SCMH1: variants seen among roughly 807,000 people sequenced by gnomAD.
SCMH1 encodes polycomb protein SCMH1.
Under a neutral mutation model 70.8 loss-of-function variants are expected in SCMH1, and 37 were observed. That is an observed-to-expected ratio of 0.52 (90% CI 0.40 to 0.69). The LOEUF (loss-of-function observed/expected upper bound fraction) is 0.69. Ranked by LOEUF, SCMH1 falls within the 30% of genes least tolerant of loss-of-function variation. The pLI is 0.00. For missense variants in SCMH1, 607 were observed against 827.3 expected (o/e 0.73, Z 3.27); for synonymous variants, 292 against 307.4 (o/e 0.95, Z 0.52).
At chr1:41,057,492 T>C (rs1057071528) in intron 10 of SCMH1, among the ~76,000 whole-genome samples, 7 of 152,090 alleles carry the variant, frequency 4.6e-5, no homozygotes, top group African/African-American at 1.7e-4. Flanking sequence ...TCAAGTGATC[T>C]GCCCACCTTG....
At chr1:41,202,538 T>C (rs1476796646) in intron 1 of SCMH1, among the ~76,000 whole-genome samples, 4 of 152,322 alleles carry the variant, frequency 2.6e-5, no homozygotes, top group East Asian at 1.9e-4. Flanking sequence ...TACTATTTAA[T>C]AGTGTAGAGA....
chr1:41,050,518 G>A (rs181261215), intron 10 of SCMH1, among the ~76,000 whole-genome samples: 2 of 152,176 alleles, frequency 1.3e-5, no homozygotes, highest in Admixed American at 1.3e-4. Context: ...CAACATGGAC[G>A]GAAGAAATGG....
At chr1:41,074,944 G>A (rs1457879722) in intron 9 of SCMH1, among the ~76,000 whole-genome samples, 3 of 152,172 alleles carry the variant, frequency 2.0e-5, no homozygotes, top group African/African-American at 7.2e-5. Flanking sequence ...CTCACTGCAA[G>A]CTCCACCTCC....
chr1:41,087,379 G>C (rs1422694248), intron 8 of SCMH1, among the ~76,000 whole-genome samples: 1 of 151,824 alleles, frequency 6.6e-6, no homozygotes, highest in Non-Finnish European at 1.5e-5. Context: ...CATAAGCAAA[G>C]TACAAATTGG....
chr1:41,171,980 C>A (rs1646809467), intron 2 of SCMH1, among the ~76,000 whole-genome samples: 1 of 151,946 alleles, frequency 6.6e-6, no homozygotes, highest in African/African-American at 2.4e-5. Flanking sequence ...TCACTTGAGC[C>A]CAGGACTTCA....
intron 8 of SCMH1, among the ~76,000 whole-genome samples, chr1:41,097,145 T>A (rs755708097): frequency 3.3e-5 from 5 of 151,936 alleles, no homozygotes; most frequent in Non-Finnish European, 4.4e-5. Context: ...AGTATTGGCC[T>A]TTAAGGTTAG....
intron 13 of SCMH1, 33 bp from the exon 15 acceptor site, chr1:41,028,759 C>T (rs140159285): frequency 1.3e-5 from 21 of 1,608,442 alleles, no homozygotes; most frequent in South Asian, 6.6e-5. Context: ...CCATAAAGGG[C>T]GGGGACTGGT....
chr1:41,173,283 A>G (rs912390387), intron 2 of SCMH1, among the ~76,000 whole-genome samples: 1 of 152,152 alleles, frequency 6.6e-6, no homozygotes, highest in African/African-American at 2.4e-5. Context: ...ACAACAAATA[A>G]TCTGATTTAA....
intron 6 of SCMH1, among the ~76,000 whole-genome samples, chr1:41,127,367 G>C (rs536092554): frequency 6.6e-6 from 1 of 151,720 alleles, no homozygotes; most frequent in Non-Finnish European, 1.5e-5. Context: ...CAAATTTGTC[G>C]GTCTATCTAG....
chr1:41,036,570 G>GT (rs1157049874), intron 13 of SCMH1, among the ~76,000 whole-genome samples: 8 of 152,084 alleles, frequency 5.3e-5, no homozygotes, highest in Admixed American at 4.6e-4. Flanking sequence ...GGTTTCTCTA[G>GT]TTTTGTCCCT....
At chr1:41,135,295 C>G (rs961246085) in intron 6 of SCMH1, among the ~76,000 whole-genome samples, 1 of 152,136 alleles carries the variant, frequency 6.6e-6, no homozygotes, top group Non-Finnish European at 1.5e-5. Flanking sequence ...CATGCTTTAG[C>G]TGTGTCCCCA....
intron 1 of SCMH1, among the ~76,000 whole-genome samples, chr1:41,215,700 T>C (rs922085224): frequency 6.6e-6 from 1 of 152,210 alleles, no homozygotes; most frequent in Non-Finnish European, 1.5e-5. Flanking sequence ...TTTCCTCTTG[T>C]ATGCTACATT....
intron 10 of SCMH1, among the ~76,000 whole-genome samples, chr1:41,062,918 CAAA>C (rs61144004): frequency 9.1e-6 from 1 of 109,884 alleles, no homozygotes; most frequent in African/African-American, 3.6e-5. Context: ...GACTCCATCT[CAAA>C]AAAAAAAAAA....
At chr1:41,104,710 T>C (rs943342945) in intron 8 of SCMH1, among the ~76,000 whole-genome samples, 7 of 152,316 alleles carry the variant, frequency 4.6e-5, no homozygotes, top group Middle Eastern at 3.4e-3. Flanking sequence ...TGAACACACC[T>C]TCTCAGGAGA....
chr1:41,194,081 A>G (rs879167894), intron 1 of SCMH1, among the ~76,000 whole-genome samples: 4 of 152,226 alleles, frequency 2.6e-5, no homozygotes, highest in Admixed American at 2.0e-4. Flanking sequence ...AGGATTTTGA[A>G]TAAGTCTCTT....
chr1:41,067,208 G>T (rs993248117), intron 10 of SCMH1, among the ~76,000 whole-genome samples: 11 of 152,086 alleles, frequency 7.2e-5, no homozygotes, highest in Admixed American at 1.3e-4. Flanking sequence ...ACTTTGGGAG[G>T]CTGAAGCGGG....
At chr1:41,173,126 C>T (rs1557733708) in intron 2 of SCMH1, among the ~76,000 whole-genome samples, 1 of 151,932 alleles carries the variant, frequency 6.6e-6, no homozygotes, top group Non-Finnish European at 1.5e-5. Context: ...AGCTTCTGCA[C>T]AGCAAAGGAA....
At chr1:41,183,968 G>A (rs1649498949) in intron 2 of SCMH1, among the ~76,000 whole-genome samples, 1 of 152,012 alleles carries the variant, frequency 6.6e-6, no homozygotes, top group Non-Finnish European at 1.5e-5. Flanking sequence ...CATTTTTAAT[G>A]GGTACAGTTT....
At chr1:41,085,876 T>TC (rs1434113248) in intron 8 of SCMH1, among the ~76,000 whole-genome samples, 1 of 134,784 alleles carries the variant, frequency 7.4e-6, no homozygotes, top group Non-Finnish European at 1.6e-5. Context: ...AGTCTTGCTC[T>TC]GTTGCCCAGG....
Sources: allele counts gnomAD v4.1 joint callset (sites outside exome capture counted in the v4.1 genomes callset), GRCh38; gene constraint gnomAD v4.1.1; transcripts MANE v1.5; gene names NCBI Gene and HGNC (gene_info 2026-07-23, HGNC 2026-07-21).